Variants in RBFOX1 observed in about 807,000 individuals in gnomAD.
RBFOX1 encodes RNA binding protein fox-1 homolog 1.
In RBFOX1, 8 loss-of-function variants were observed where a neutral mutation model predicts 57.7. The observed-to-expected ratio is 0.14, with a 90% CI of 0.08 to 0.25. RBFOX1 has a LOEUF of 0.25. Ranked by LOEUF, RBFOX1 falls within the 10% of genes least tolerant of loss-of-function variation. RBFOX1 has a pLI of 1.00. For synonymous variants in RBFOX1, 326 were observed against 222.4 expected (o/e 1.47, Z -4.15); for missense variants, 611 against 548.5 (o/e 1.11, Z -1.14).
rs182335158 is a variant in RBFOX1, at chr16:7,204,827, C to T, written c.27+152729C>T. ...AACTGATTGGTAACTCCTCATTTTCCCCTCCGCACAGTTTCTGGCATTCGC... is the reference window on the plus strand; with the variant it reads ...AACTGATTGGTAACTCCTCATTTTCTCCTCCGCACAGTTTCTGGCATTCGC... On this transcript the variant is annotated intron_variant, in intron 4 of 15. Transcript: ENST00000550418. Among the ~76,000 whole-genome samples, 243 of 152,228 alleles carry T rather than the reference C, an allele frequency of 1.6e-3. 2 individuals carry two copies. The highest frequency in any genetic ancestry group is 3.4e-3 in the Middle Eastern group (1 of 294).
At chr16:6,727,940 C>T (rs527992242) in intron 3 of RBFOX1, among the ~76,000 whole-genome samples, 38 of 152,274 alleles carry the variant, frequency 2.5e-4, no homozygotes, top group Middle Eastern at 3.4e-3. Flanking sequence ...CTACTACGTA[C>T]GCACAGAGAT....
At chr16:7,685,930 C>T (rs2075966492) in intron 14 of RBFOX1, among the ~76,000 whole-genome samples, 1 of 152,010 alleles carries the variant, frequency 6.6e-6, no homozygotes, top group Non-Finnish European at 1.5e-5. Flanking sequence ...TTGAGATTTA[C>T]ACGTGGGTCC....
chr16:7,490,119 G>C (rs2066535915), intron 4 of RBFOX1, among the ~76,000 whole-genome samples: 1 of 152,146 alleles, frequency 6.6e-6, no homozygotes, highest in Non-Finnish European at 1.5e-5. Flanking sequence ...CTTCTGAATG[G>C]AGGAGGCTGC....
intron 3 of RBFOX1, among the ~76,000 whole-genome samples, chr16:6,709,121 A>T (rs2063299670): frequency 2.0e-5 from 3 of 152,236 alleles, no homozygotes; most frequent in Admixed American, 2.0e-4. Context: ...ATATAAATGT[A>T]ACAGAAAGTA....
intron 4 of RBFOX1, among the ~76,000 whole-genome samples, chr16:7,121,873 C>T (rs1011540716): frequency 2.6e-5 from 4 of 151,700 alleles, no homozygotes; most frequent in Admixed American, 6.6e-5. Flanking sequence ...AGAAATAGAC[C>T]CACAAAATAT....
chr16:6,498,536 C>T (rs1477415515), intron 2 of RBFOX1, among the ~76,000 whole-genome samples: 1 of 152,118 alleles, frequency 6.6e-6, no homozygotes, highest in Non-Finnish European at 1.5e-5. Flanking sequence ...TAGATTTTGC[C>T]TGCAGGTGTT....
At chr16:7,629,823 C>A (rs2060647815) in intron 10 of RBFOX1, among the ~76,000 whole-genome samples, 1 of 152,326 alleles carries the variant, frequency 6.6e-6, no homozygotes, top group South Asian at 2.1e-4. Flanking sequence ...TGCAATGCAG[C>A]CGCAGTTTGC....
chr16:5,867,081 T>G (rs1269353183), intron 3 of RBFOX1, among the ~76,000 whole-genome samples: 1 of 152,164 alleles, frequency 6.6e-6, no homozygotes, highest in East Asian at 1.9e-4. Flanking sequence ...AAATACTAAT[T>G]ATCCTATTCA....
At chr16:7,171,480 A>G (rs1431531092) in intron 4 of RBFOX1, among the ~76,000 whole-genome samples, 3 of 152,248 alleles carry the variant, frequency 2.0e-5, no homozygotes, top group Admixed American at 1.3e-4. Flanking sequence ...GCAGGATTAT[A>G]GAAAGAGATT....
intron 2 of RBFOX1, among the ~76,000 whole-genome samples, chr16:6,457,051 A>C (rs945318052): frequency 6.6e-6 from 1 of 152,140 alleles, no homozygotes; most frequent in Non-Finnish European, 1.5e-5. Context: ...GTGATTTGGG[A>C]GCCTTGGAGT....
intron 4 of RBFOX1, among the ~76,000 whole-genome samples, chr16:7,398,397 A>T (rs79272649): frequency 6.6e-6 from 1 of 152,210 alleles, no homozygotes; most frequent in Non-Finnish European, 1.5e-5. Flanking sequence ...CTGAAGATGT[A>T]AGATTTTGTT....
intron 3 of RBFOX1, among the ~76,000 whole-genome samples, chr16:7,045,288 G>C (rs2047526071): frequency 6.6e-6 from 1 of 152,100 alleles, no homozygotes; most frequent in Non-Finnish European, 1.5e-5. Flanking sequence ...CCCAAAAAAA[G>C]AAGCAGGATA....
At position 7,064,230 on chromosome 16, in the gene RBFOX1, G is replaced by T. The variant is rs538535084; in HGVS notation, c.27+12132G>T. 8.2e-5 allele frequency among the ~76,000 whole-genome samples: 12 copies of T among 145,944 alleles called. No homozygotes were observed. The South Asian group carries it at 2.6e-3, about 31-fold the overall frequency. On this transcript the variant is annotated intron_variant, in intron 4 of 15. Transcript: ENST00000550418. ...GTGGCCTAGGCTGGAGTGCAGTGGC[G>T]TGATCTCTGCTCACTGCAACTTCCG...
intron 4 of RBFOX1, among the ~76,000 whole-genome samples, chr16:5,917,329 C>T (rs1377204225): frequency 6.6e-6 from 1 of 152,194 alleles, no homozygotes; most frequent in Admixed American, 6.5e-5. Context: ...TAAGCGCCCA[C>T]CACCGGACAT....
At chr16:6,246,266 C>T (rs562945021) in intron 1 of RBFOX1, among the ~76,000 whole-genome samples, 78 of 152,314 alleles carry the variant, frequency 5.1e-4, no homozygotes, top group African/African-American at 1.8e-3. Flanking sequence ...GACATTCTCT[C>T]TTGCCAATAT....
intron 3 of RBFOX1, among the ~76,000 whole-genome samples, chr16:6,988,030 T>G (rs949045670): frequency 6.6e-6 from 1 of 152,080 alleles, no homozygotes; most frequent in South Asian, 2.1e-4. Flanking sequence ...AAAAAAAAAT[T>G]AGATATGGAA....
intron 3 of RBFOX1, among the ~76,000 whole-genome samples, chr16:6,736,898 T>C (rs1324873601): frequency 6.6e-6 from 1 of 152,172 alleles, no homozygotes; most frequent in Non-Finnish European, 1.5e-5. Flanking sequence ...AGGTATAGAC[T>C]TAGCAGGGAG....
At chr16:6,259,811 A>G (rs1164245155) in intron 1 of RBFOX1, among the ~76,000 whole-genome samples, 1 of 152,072 alleles carries the variant, frequency 6.6e-6, no homozygotes, top group Non-Finnish European at 1.5e-5. Context: ...TACAAAAAAA[A>G]GTAGCCAGGC....
chr16:6,415,088 C>G (rs764548472), intron 2 of RBFOX1, among the ~76,000 whole-genome samples: 1 of 151,610 alleles, frequency 6.6e-6, no homozygotes, highest in Non-Finnish European at 1.5e-5. Context: ...ACTAAAAATA[C>G]AAAAATTAGC....
Sources: gnomAD v4.1 joint callset for allele counts (sites outside exome capture counted in the v4.1 genomes callset) on GRCh38, gnomAD v4.1.1 for gene constraint, MANE v1.5 for transcripts, NCBI Gene and HGNC (gene_info 2026-07-23, HGNC 2026-07-21) for gene names.